Variants in KHDRBS2 observed in about 807,000 individuals in gnomAD.
The protein encoded by KHDRBS2 is KH domain-containing, RNA-binding, signal transduction-associated protein 2.
KHDRBS2 carries 26 observed loss-of-function variants against 44.3 expected under a neutral mutation model. The ratio of observed to expected loss-of-function variants is 0.59; its 90% CI spans 0.43 to 0.81. The LOEUF (loss-of-function observed/expected upper bound fraction) is 0.81, where lower values mean the gene tolerates loss of function less well. Among genes scored for constraint, KHDRBS2 ranks in the 40% least tolerant of loss-of-function variants. The pLI is 0.00. For synonymous variants in KHDRBS2, 194 were observed against 151.1 expected (o/e 1.28, Z -2.08); for missense variants, 476 against 433.1 (o/e 1.10, Z -0.88).
At chr6:61,829,363 C>T (rs1791433245) in intron 6 of KHDRBS2, among the ~76,000 whole-genome samples, 1 of 152,102 alleles carries the variant, frequency 6.6e-6, no homozygotes, top group Non-Finnish European at 1.5e-5. Context: ...GGGGTTTCAC[C>T]GTGTTGCCCA....
chr6:62,027,481 C>T (rs1251534737), intron 3 of KHDRBS2, among the ~76,000 whole-genome samples: 1 of 151,978 alleles, frequency 6.6e-6, no homozygotes, highest in Admixed American at 6.6e-5. Flanking sequence ...CATAACACAT[C>T]CCATCTCTTT....
intron 2 of KHDRBS2, among the ~76,000 whole-genome samples, chr6:62,107,963 A>G (rs924704788): frequency 9.9e-5 from 15 of 152,194 alleles, no homozygotes; most frequent in African/African-American, 3.6e-4. Context: ...TTAAAGACTT[A>G]AACGTTAGAC....
chr6:61,614,071 C>G, the KHDRBS2 span, among the ~76,000 whole-genome samples: 5 of 152,190 alleles, frequency 3.3e-5, no homozygotes, highest in South Asian at 1.0e-3. Flanking sequence ...TTATTCGCTT[C>G]TTTAACAGCA....
chr6:61,994,629 C>G (rs1339388209), intron 3 of KHDRBS2, among the ~76,000 whole-genome samples: 1 of 152,078 alleles, frequency 6.6e-6, no homozygotes, highest in Non-Finnish European at 1.5e-5. Flanking sequence ...AGAGATAAGG[C>G]AACTACATAT....
At position 62,196,997 on chromosome 6, in the gene KHDRBS2, C is replaced by A. The variant is rs552309876; in HGVS notation, c.92-19685G>T. Among the ~76,000 whole-genome samples, 9 of 152,134 alleles carry A rather than the reference C, an allele frequency of 5.9e-5. No homozygotes were observed. In the East Asian group the frequency reaches 1.7e-3, roughly 30 times the overall value. Reference sequence around the variant, plus strand: ...TTCTATAGTCTACTTTGCCCTCTAGCACTGCAGTATAAAAATCACAGTGTA... The same window carrying A: ...TTCTATAGTCTACTTTGCCCTCTAGAACTGCAGTATAAAAATCACAGTGTA... On this transcript the variant is annotated intron_variant, in intron 1 of 8. Coordinates refer to ENST00000281156, the MANE Select transcript of KHDRBS2 (RefSeq NM_152688.4).
intron 6 of KHDRBS2, among the ~76,000 whole-genome samples, chr6:61,755,593 T>G (rs931824027): frequency 1.1e-4 from 17 of 151,864 alleles, no homozygotes; most frequent in African/African-American, 3.6e-4. Flanking sequence ...GGGCGGGTCA[T>G]GGGGTCAGGA....
the KHDRBS2 span, among the ~76,000 whole-genome samples, chr6:61,572,443 G>A: frequency 3.0e-4 from 45 of 151,990 alleles, no homozygotes; most frequent in African/African-American, 9.4e-4. Context: ...AAGATAAAGA[G>A]GGAATCTCCC....
At chr6:61,676,561 T>C (rs1765956659), downstream of KHDRBS2, among the ~76,000 whole-genome samples, 2 of 151,906 alleles carry the variant, frequency 1.3e-5, no homozygotes, top group South Asian at 4.1e-4. Context: ...CTGGTCTATG[T>C]TGAAGCTACT....
chr6:61,543,686 T>C, the KHDRBS2 span, among the ~76,000 whole-genome samples: 1 of 152,042 alleles, frequency 6.6e-6, no homozygotes, highest in Non-Finnish European at 1.5e-5. Flanking sequence ...ATATCCGAGA[T>C]TTGAAAGTAA....
At chr6:61,892,612 T>A (rs1285935661) in intron 6 of KHDRBS2, among the ~76,000 whole-genome samples, 1 of 152,088 alleles carries the variant, frequency 6.6e-6, no homozygotes, top group Admixed American at 6.5e-5. Context: ...TCTACAACTA[T>A]CTGATCTTTG....
chr6:61,589,799 A>G, the KHDRBS2 span, among the ~76,000 whole-genome samples: 10 of 152,308 alleles, frequency 6.6e-5, no homozygotes, highest in African/African-American at 2.2e-4. Flanking sequence ...CTTTTTAGTG[A>G]TATTTCACTT....
At chr6:61,684,742 A>G (rs1326364410) in intron 8 of KHDRBS2, among the ~76,000 whole-genome samples, 1 of 151,780 alleles carries the variant, frequency 6.6e-6, no homozygotes, top group Non-Finnish European at 1.5e-5. Context: ...CCAAATAACT[A>G]TACGCCAAAT....
intron 6 of KHDRBS2, among the ~76,000 whole-genome samples, chr6:61,878,395 CT>C (rs2127313643): frequency 6.6e-6 from 1 of 152,080 alleles, no homozygotes; most frequent in East Asian, 1.9e-4. Context: ...TATATGTTCA[CT>C]TATAGTCCAG....
intron 3 of KHDRBS2, among the ~76,000 whole-genome samples, chr6:62,038,240 C>G (rs1785716041): frequency 6.6e-6 from 1 of 151,958 alleles, no homozygotes; most frequent in Non-Finnish European, 1.5e-5. Context: ...TTTGACTTCA[C>G]TCTTGGTGAA....
intron 2 of KHDRBS2, among the ~76,000 whole-genome samples, chr6:62,055,587 C>A (rs1440711919): frequency 9.2e-5 from 14 of 151,948 alleles, no homozygotes; most frequent in African/African-American, 3.4e-4. Context: ...CCAGAGAAAT[C>A]TTGGCACATG....
chr6:61,928,504 G>A (rs1267683199), intron 4 of KHDRBS2, among the ~76,000 whole-genome samples: 1 of 151,940 alleles, frequency 6.6e-6, no homozygotes, highest in East Asian at 1.9e-4. Flanking sequence ...AGTATTTTAA[G>A]TACTAAATTA....
chr6:62,072,736 G>A (rs557995207), intron 2 of KHDRBS2, among the ~76,000 whole-genome samples: 4 of 152,090 alleles, frequency 2.6e-5, no homozygotes, highest in South Asian at 4.2e-4. Flanking sequence ...TGCTGGATTC[G>A]GTTTGCCATT....
chr6:61,723,982 T>C (rs1212565177), intron 7 of KHDRBS2, among the ~76,000 whole-genome samples: 1 of 151,958 alleles, frequency 6.6e-6, no homozygotes, highest in Non-Finnish European at 1.5e-5. Flanking sequence ...AGATACTCCA[T>C]GAGAAGATCA....
intron 2 of KHDRBS2, among the ~76,000 whole-genome samples, chr6:62,122,665 T>G (rs940036077): frequency 3.3e-5 from 5 of 152,028 alleles, no homozygotes; most frequent in Non-Finnish European, 7.4e-5. Context: ...AGGGCCTGGT[T>G]TATGAGTGGT....
Sources: allele counts gnomAD v4.1 joint callset (sites outside exome capture counted in the v4.1 genomes callset), GRCh38; gene constraint gnomAD v4.1.1; transcripts MANE v1.5; gene names NCBI Gene and HGNC (gene_info 2026-07-23, HGNC 2026-07-21).